Variants in ECPAS observed in about 807,000 individuals in gnomAD.
The protein encoded by ECPAS is proteasome adapter and scaffold protein ECM29.
ECPAS carries 70 observed loss-of-function variants against 255.1 expected under a neutral mutation model. The ratio of observed to expected loss-of-function variants is 0.27; its 90% confidence interval spans 0.23 to 0.33. The LOEUF is 0.33. ECPAS is among the 10% of genes least tolerant of loss of function. The pLI is 1.00. For missense variants in ECPAS, 1,817 were observed against 2,206.4 expected, an observed-to-expected ratio of 0.82 and a Z score of 3.54; for synonymous variants, 784 against 775.0, an observed-to-expected ratio of 1.01 and a Z score of -0.19.
intron 4 of ECPAS, among the ~76,000 whole-genome samples, chr9:111,443,652 AGAAAG>A (rs2098248968): frequency 6.6e-6 from 1 of 152,218 alleles, no homozygotes; most frequent in Non-Finnish European, 1.5e-5. Flanking sequence ...ATTTGCTTAA[AGAAAG>A]GAAATGTATA....
chr9:111,432,695 C>T (rs1009864339), intron 8 of ECPAS, among the ~76,000 whole-genome samples: 2 of 152,148 alleles, frequency 1.3e-5, no homozygotes, highest in African/African-American at 4.8e-5. Context: ...ACTGGTATCC[C>T]ATTCATTTAT....
chr9:111,376,651 T>A (rs773901884), intron 36 of ECPAS, 110 bp from the exon 37 acceptor site: 8 of 799,636 alleles, frequency 1.0e-5, no homozygotes, highest in Non-Finnish European at 1.5e-5. Flanking sequence ...TAAAAAAAAA[T>A]AATCCGTAGC....
intron 2 of ECPAS, among the ~76,000 whole-genome samples, chr9:111,464,126 C>A (rs796381542): frequency 6.6e-6 from 1 of 151,900 alleles, no homozygotes; most frequent in Non-Finnish European, 1.5e-5. Flanking sequence ...TATGTAACAC[C>A]GTCCTAGAAA....
Position 111,375,157 on chromosome 9 carries a change from T to G in ECPAS, c.4066A>C (p.Arg1356=), listed in dbSNP as rs772255807. The G allele has an allele frequency of 2.5e-6, 4 of 1,613,646 alleles. No individual in the cohort carries two copies. Among genetic ancestry groups the G allele is most frequent in the African/African-American group, 1.3e-5 (1 of 74,912 alleles). The stretch of plus-strand genomic sequence containing the variant: ...CCACTTCTGATCAGTTCACACAACC[T>G]AGGAACTAGCTCGCCCAGCACTGAC... The part of the protein sequence containing the change: ...DVSVLGELVP[R]LCELIRSGVG... The change falls in exon 38 of 50, where the codon AGG becomes CGG. Residue 1356 remains arginine, a synonymous_variant. Coordinates refer to ENST00000684092, the MANE Select transcript of ECPAS (RefSeq NM_001364929.1).
At chr9:111,461,651 TAAATC>T (rs2098273322) in intron 2 of ECPAS, among the ~76,000 whole-genome samples, 1 of 152,230 alleles carries the variant, frequency 6.6e-6, no homozygotes, top group Non-Finnish European at 1.5e-5. Flanking sequence ...TAAATGGTGT[TAAATC>T]AACTGTATTC....
At chr9:111,410,914 G>T in intron 22 of ECPAS, 66 bp downstream of exon 22, 1 of 1,434,280 alleles carries the variant, frequency 7.0e-7, no homozygotes, top group Non-Finnish European at 9.5e-7. Context: ...AAACTGAAAC[G>T]CCATATTAAA....
chr9:111,388,118 G>A lies in ECPAS; in HGVS notation c.3447+1438C>T, dbSNP rs535680406. Among the ~76,000 whole-genome samples the A allele has an allele frequency of 2.2e-4, 33 of 151,910 alleles. 2 individuals are homozygous for A. In the South Asian group the frequency reaches 5.6e-3, roughly 26 times the overall value. On this transcript the variant is annotated intron_variant, in intron 31 of 49. Transcript: ENST00000684092. ...AATGCTGACATTCTCAAAAATTTAC[G>A]GCTTTTCCACTTTTGTAGGTAGGAA...
chr9:111,397,247 G>A, intron 24 of ECPAS, 94 bp from the exon 25 acceptor site: 1 of 1,504,032 alleles, frequency 6.6e-7, no homozygotes, highest in Non-Finnish European at 9.0e-7. Context: ...GTGGTTCTGA[G>A]CATGTTTTGT....
chr9:111,423,049 T>A, intron 13 of ECPAS, 150 bp downstream of exon 13: 1 of 600,010 alleles, frequency 1.7e-6, no homozygotes, highest in East Asian at 2.8e-5. Flanking sequence ...TTTTTCCTTC[T>A]ACACAGAAGA....
At chr9:111,377,504 T>C (rs1266293152) in intron 36 of ECPAS, among the ~76,000 whole-genome samples, 2 of 152,202 alleles carry the variant, frequency 1.3e-5, no homozygotes, top group African/African-American at 4.8e-5. Flanking sequence ...ACTTAAAACC[T>C]TTGATGTTGC....
intron 27 of ECPAS, among the ~76,000 whole-genome samples, chr9:111,393,438 G>A (rs895563790): frequency 2.0e-5 from 3 of 152,142 alleles, no homozygotes; most frequent in African/African-American, 7.2e-5. Context: ...GCAGAGTTGA[G>A]GAACATGTTC....
At chr9:111,422,957 C>A (rs1296344681) in intron 13 of ECPAS, among the ~76,000 whole-genome samples, 5 of 152,178 alleles carry the variant, frequency 3.3e-5, no homozygotes, top group African/African-American at 4.8e-5. Context: ...CATTATGACA[C>A]AATTAAGTTC....
intron 5 of ECPAS, 104 bp from the exon 6 acceptor site, chr9:111,440,625 A>C: frequency 1.2e-6 from 1 of 811,320 alleles, no homozygotes; most frequent in Non-Finnish European, 1.9e-6. Context: ...TGGCAGTTTT[A>C]AGCAAGAGAC....
intron 4 of ECPAS, 78 bp from the exon 5 acceptor site, chr9:111,442,502 T>G: frequency 1.1e-6 from 1 of 898,338 alleles, no homozygotes; most frequent in Non-Finnish European, 1.8e-6. Flanking sequence ...ATTGATAACT[T>G]AGAGAGTTAT....
intron 1 of ECPAS, among the ~76,000 whole-genome samples, chr9:111,482,199 T>C (rs1167438638): frequency 6.6e-6 from 1 of 152,204 alleles, no homozygotes; most frequent in Non-Finnish European, 1.5e-5. Flanking sequence ...GAGCAATCTG[T>C]AGCCCGCTTC....
rs865815795 is a variant in ECPAS at position 111,483,986 on chromosome 9, T to G, written c.-83+130A>C. 6.4e-3 allele frequency: 6,371 copies of G among 996,240 alleles called. 29 individuals are homozygous for G. The highest frequency in any genetic ancestry group is 9.6e-3 in the South Asian group (213 of 22,208). The allele number at this position is 996,240 out of a possible 1,614,324, so 61.7% of individuals were successfully genotyped here. A position where few individuals can be genotyped will look rare whatever the true frequency, so the allele number is the denominator to read the frequency against. On this transcript the variant is annotated intron_variant, in intron 1 of 49. Coordinates refer to ENST00000684092, the MANE Select transcript of ECPAS (RefSeq NM_001364929.1). ...TCGCTCGCGGCTCGTCCTGCCCACC[T>G]GTCGCCGCCCGCCCCGCGTGCGCTC...
intron 31 of ECPAS, among the ~76,000 whole-genome samples, 193 bp downstream of exon 31, chr9:111,389,363 T>C (rs2098155621): frequency 6.6e-6 from 1 of 152,228 alleles, no homozygotes; most frequent in African/African-American, 2.4e-5. Context: ...CTTTTGGAGA[T>C]TTCAATAAAT....
In ECPAS at chr9:111,484,240, G is replaced by A; in HGVS notation, c.-207C>T. 2 of 1,474,162 alleles carry A rather than the reference G, an allele frequency of 1.4e-6. No individual in the cohort carries two copies. The highest frequency in any genetic ancestry group is 1.8e-6 in the Non-Finnish European group (2 of 1,118,972). 91.3% of individuals were successfully genotyped at this position (1,474,162 alleles called of 1,614,324 possible). ...GCGCGCCGCAGTCCGTGAGGGGCTGGGCCGAGCGGGCCCGGGCTGCCCTAG... is the reference window on the plus strand; with the variant it reads ...GCGCGCCGCAGTCCGTGAGGGGCTGAGCCGAGCGGGCCCGGGCTGCCCTAG... On this transcript the variant is annotated 5_prime_UTR_variant, in exon 1 of 50. Transcript: ENST00000684092.
intron 35 of ECPAS, among the ~76,000 whole-genome samples, chr9:111,381,398 A>G (rs1038182672): frequency 6.6e-6 from 1 of 152,198 alleles, no homozygotes; most frequent in Non-Finnish European, 1.5e-5. Flanking sequence ...CTCCAAAACA[A>G]TTACAAAATA....
Sources: allele counts gnomAD v4.1 joint callset (sites outside exome capture counted in the v4.1 genomes callset), GRCh38; gene constraint gnomAD v4.1.1; transcripts MANE v1.5; gene names NCBI Gene and HGNC (gene_info 2026-07-23, HGNC 2026-07-21).